The following INPP5F variants were observed in gnomAD, a reference collection of about 807,000 sequenced individuals.
The protein encoded by INPP5F is inositol polyphosphate-5-phosphatase F.
A neutral mutation model predicts 137.2 loss-of-function variants in INPP5F; 97 were observed. The ratio of observed to expected loss-of-function variants is 0.71; its 90% CI spans 0.60 to 0.84. INPP5F has a LOEUF of 0.84. Among genes scored for constraint, INPP5F ranks in the 40% least tolerant of loss-of-function variants. INPP5F has a pLI of 0.00. For synonymous variants in INPP5F, 504 were observed against 476.9 expected (o/e 1.06, Z -0.74); for missense variants, 1,271 against 1,371.9 (o/e 0.93, Z 1.16).
intron 3 of INPP5F, among the ~76,000 whole-genome samples, chr10:119,784,238 A>G (rs993358470): frequency 1.3e-5 from 2 of 152,134 alleles, no homozygotes; most frequent in Non-Finnish European, 2.9e-5. Context: ...AAAAGAGAAG[A>G]AAAAAAATTC....
chr10:119,823,279 T>G, intron 18 of INPP5F, 80 bp downstream of exon 18: 9 of 1,375,392 alleles, frequency 6.5e-6, no homozygotes, highest in Non-Finnish European at 9.0e-6. Flanking sequence ...TGGGGACATT[T>G]CATATCATAA....
chr10:119,731,380 G>A lies in INPP5F; in HGVS notation c.97+5021G>A, dbSNP rs553940705. 3.3e-5 allele frequency among the ~76,000 whole-genome samples: 5 copies of A among 151,354 alleles called. 1 individual carries two copies. Among genetic ancestry groups the A allele is most frequent in the African/African-American group, 1.2e-4 (5 of 41,274 alleles). On this transcript the variant is annotated intron_variant, in intron 1 of 19. Coordinates refer to ENST00000650623, the MANE Select transcript of INPP5F (RefSeq NM_014937.4). Reference sequence around the variant, plus strand: ...TTTATCTTTTTAAAAAATTCTGTTTGTAGCTAGGCATGGTGGCTCGCGCCT... The same window carrying A: ...TTTATCTTTTTAAAAAATTCTGTTTATAGCTAGGCATGGTGGCTCGCGCCT...
rs562493779 is a variant in INPP5F, at chr10:119,823,887, A to C, written c.2234A>C (p.Glu745Ala). Residue 745 changes from glutamate to alanine, a missense_variant, in exon 19 of 20, where the codon GAG (glutamate) becomes GCG (alanine). This residue lies in a region of INPP5F where 593 missense variants were observed against 712.4 expected (regional missense o/e 0.83). Transcript: ENST00000650623. Reference protein sequence around the residue: ...QAMGSDLPIIEKKLERKSSKP... With the variant: ...QAMGSDLPIIAKKLERKSSKP... ...ATGGGATCGGATTTACCCATAATTG[A>C]GAAGAAACTTGAGAGGTGAGTATAC... 6.8e-6 allele frequency: 11 copies of C among 1,613,204 alleles called. No homozygotes were observed. The highest frequency in any genetic ancestry group is 1.7e-5 in the Admixed American group (1 of 59,992).
At chr10:119,730,402 G>C (rs1221584878) in intron 1 of INPP5F, among the ~76,000 whole-genome samples, 1 of 152,210 alleles carries the variant, frequency 6.6e-6, no homozygotes, top group East Asian at 1.9e-4. Flanking sequence ...GAGCCACCGC[G>C]CCCGGCCTGG....
In INPP5F at chr10:119,804,283, C is replaced by T. The variant is rs1357029538; in HGVS notation, c.1227C>T (p.Asp409=). Residue 409 remains aspartate, a synonymous_variant, in exon 10 of 20, where the codon GAC becomes GAT. Transcript: ENST00000650623. ...NNSHLTYVSF[D]FHEHCRGMKF... is the part of the protein sequence containing the mutation. ...CACACCTCACTTACGTTTCGTTTGA[C>T]TTCCATGAGCACTGGTAAGATGGCT... is the stretch of plus-strand genomic sequence containing the variant. 1 of 1,611,472 alleles carries T rather than the reference C, an allele frequency of 6.2e-7. No individual in the cohort carries two copies. The highest frequency in any genetic ancestry group is 1.7e-5 in the Admixed American group (1 of 58,960).
At chr10:119,768,408 T>G (rs1198099679) in intron 2 of INPP5F, 1 of 152,318 alleles carries the variant, frequency 6.6e-6, no homozygotes, top group Non-Finnish European at 1.5e-5. Context: ...ACGACCAGGT[T>G]GCCTGAGGAG....
chr10:119,749,749 T>C (rs558861134), intron 1 of INPP5F, among the ~76,000 whole-genome samples: 27 of 152,364 alleles, frequency 1.8e-4, no homozygotes, highest in African/African-American at 6.3e-4. Flanking sequence ...TAATGTATTA[T>C]AATAGCCTTT....
rs72826431 is a variant in INPP5F at position 119,817,694 on chromosome 10, T to C, written c.1887-3152T>C. 2.8e-4 allele frequency among the ~76,000 whole-genome samples: 42 copies of C among 152,302 alleles called. 1 individual carries two copies. Among genetic ancestry groups the C allele is most frequent in the Middle Eastern group, 3.4e-3 (1 of 294 alleles). On this transcript the variant is annotated intron_variant, in intron 15 of 19. Transcript: ENST00000650623. ...GCCAAGTTTTTAATTGGGTTGTTGA[T>C]TTGTAAATAAAGTTTTGTTGGGAAC... is the stretch of plus-strand genomic sequence containing the variant.
intron 15 of INPP5F, among the ~76,000 whole-genome samples, chr10:119,818,035 G>GCATT (rs1851352968): frequency 6.6e-6 from 1 of 152,240 alleles, no homozygotes; most frequent in Non-Finnish European, 1.5e-5. Context: ...GCGGCCTAGG[G>GCATT]CATTGGTCGC....
intron 2 of INPP5F, among the ~76,000 whole-genome samples, chr10:119,755,512 G>T (rs1269729005): frequency 6.6e-6 from 1 of 152,110 alleles, no homozygotes; most frequent in African/African-American, 2.4e-5. Context: ...TGAGGTCCTG[G>T]GAGTTAGGAC....
intron 6 of INPP5F, among the ~76,000 whole-genome samples, chr10:119,795,497 G>A (rs1850339739): frequency 6.6e-6 from 1 of 151,340 alleles, no homozygotes; most frequent in Non-Finnish European, 1.5e-5. Context: ...GGGCAGAGAC[G>A]CTCCTCACTT....
intron 11 of INPP5F, 150 bp from the exon 12 acceptor site, chr10:119,806,210 A>G: frequency 2.0e-6 from 1 of 491,756 alleles, no homozygotes; most frequent in Non-Finnish European, 3.6e-6. Flanking sequence ...AATGATGTCT[A>G]TAAATGACTC....
At chr10:119,749,853 G>A (rs532098166) in intron 1 of INPP5F, among the ~76,000 whole-genome samples, 13 of 152,220 alleles carry the variant, frequency 8.5e-5, no homozygotes, top group African/African-American at 1.4e-4. Context: ...ATCTTGGCTC[G>A]CTGCAACCTT....
Position 119,826,875 on chromosome 10 carries a change from G to C in INPP5F, c.2494G>C (p.Glu832Gln). The C allele has an allele frequency of 6.2e-7, 1 of 1,614,108 alleles. No homozygotes were observed. Among genetic ancestry groups the C allele is most frequent in the African/African-American group, 1.3e-5 (1 of 75,040 alleles). ...VNLWKSDSSL[E>Q]TMENTGVMDK... ...TCTTTGGAAATCAGATAGTAGTCTT[G>C]AAACTATGGAAAACACAGGAGTGAT... Residue 832 changes from glutamate (E) to glutamine (Q), a missense_variant, in exon 20 of 20, where the codon GAA becomes CAA. Transcript: ENST00000650623.
chr10:119,784,895 A>T (rs1417812739), intron 3 of INPP5F, among the ~76,000 whole-genome samples: 1 of 152,126 alleles, frequency 6.6e-6, no homozygotes, highest in Non-Finnish European at 1.5e-5. Flanking sequence ...TGCAACCACT[A>T]ATCTCCTTTC....
Position 119,773,938 on chromosome 10 carries a change from G to A in INPP5F, c.179-7697G>A, listed in dbSNP as rs149835591. Among the ~76,000 whole-genome samples the A allele has an allele frequency of 1.3e-3, 201 of 152,146 alleles. 1 individual carries two copies. The highest frequency in any genetic ancestry group is 4.5e-3 in the African/African-American group (187 of 41,514). On this transcript the variant is annotated intron_variant, in intron 2 of 19. Coordinates refer to ENST00000650623, the MANE Select transcript of INPP5F (RefSeq NM_014937.4). ...CAAAATCTTTACTGGATATTTTTACGCATTTAGTCTTTCAAGTGAAATTTA... is the reference window on the plus strand; with the variant it reads ...CAAAATCTTTACTGGATATTTTTACACATTTAGTCTTTCAAGTGAAATTTA...
At chr10:119,737,588 TAG>T (rs1373821420) in intron 1 of INPP5F, among the ~76,000 whole-genome samples, 5 of 152,222 alleles carry the variant, frequency 3.3e-5, no homozygotes, top group Non-Finnish European at 5.9e-5. Context: ...CACCAGCTGC[TAG>T]AACTTCTAAA....
intron 2 of INPP5F, among the ~76,000 whole-genome samples, chr10:119,772,836 C>T (rs978622872): frequency 6.6e-6 from 1 of 151,662 alleles, no homozygotes; most frequent in African/African-American, 2.4e-5. Context: ...CTCCACCTCC[C>T]GGGTCCCGGT....
chr10:119,825,830 C>T (rs1394020042), intron 19 of INPP5F: 3 of 395,412 alleles, frequency 7.6e-6, no homozygotes, highest in African/African-American at 4.1e-5. Flanking sequence ...TAAAGAATTA[C>T]TTTAACCCAT....
Sources: allele counts gnomAD v4.1 joint callset (sites outside exome capture counted in the v4.1 genomes callset), GRCh38; gene constraint gnomAD v4.1.1; regional missense constraint gnomAD v4.1.1; transcripts MANE v1.5; gene names NCBI Gene and HGNC (gene_info 2026-07-23, HGNC 2026-07-21).